The following SNTG1 variants were observed in gnomAD, a reference collection of about 807,000 sequenced individuals.
SNTG1 encodes gamma-1-syntrophin.
SNTG1 carries 39 observed loss-of-function variants against 74.7 expected under a neutral mutation model. The observed-to-expected ratio is 0.52, with a 90% CI of 0.40 to 0.68. The LOEUF is 0.68. Ranked by LOEUF, SNTG1 falls within the 30% of genes least tolerant of loss-of-function variation. SNTG1 has a pLI of 0.00. For synonymous variants in SNTG1, 254 were observed against 217.1 expected, an observed-to-expected ratio of 1.17 and a Z score of -1.49; for missense variants, 685 against 609.5, an observed-to-expected ratio of 1.12 and a Z score of -1.30.
At chr8:50,635,700 C>A (rs781105039) in intron 13 of SNTG1, among the ~76,000 whole-genome samples, 2 of 152,148 alleles carry the variant, frequency 1.3e-5, no homozygotes, top group African/African-American at 4.8e-5. Context: ...GAAGTGGGCT[C>A]CCCTCTGGCC....
chr8:50,482,318 G>C (rs1013725369), intron 8 of SNTG1, among the ~76,000 whole-genome samples: 1 of 152,148 alleles, frequency 6.6e-6, no homozygotes, highest in Non-Finnish European at 1.5e-5. Flanking sequence ...TGAGAATGAC[G>C]GGACTTCAAA....
intron 1 of SNTG1, among the ~76,000 whole-genome samples, chr8:49,960,898 G>A (rs758993363): frequency 7.9e-4 from 120 of 152,174 alleles, no homozygotes; most frequent in Non-Finnish European, 6.3e-4. Context: ...AATATCTTAC[G>A]TGGATTAAGG....
chr8:50,242,547 A>C (rs999789930), intron 2 of SNTG1, among the ~76,000 whole-genome samples: 2 of 5,762 alleles, frequency 3.5e-4, no homozygotes, highest in Non-Finnish European at 2.0e-3. Context: ...AAAAAAAAAC[A>C]CACCAGGAAA....
chr8:50,293,590 A>T (rs1163727180), intron 2 of SNTG1, among the ~76,000 whole-genome samples: 2 of 151,840 alleles, frequency 1.3e-5, no homozygotes, highest in Admixed American at 1.3e-4. Context: ...TTGTAATTTT[A>T]GTAGAGATGG....
At chr8:50,002,755 C>T (rs920483347) in intron 1 of SNTG1, among the ~76,000 whole-genome samples, 1 of 151,844 alleles carries the variant, frequency 6.6e-6, no homozygotes, top group African/African-American at 2.4e-5. Flanking sequence ...CAAATATATA[C>T]CCAAGAAAAA....
At chr8:50,164,599 G>A (rs2082547983) in intron 1 of SNTG1, among the ~76,000 whole-genome samples, 1 of 152,144 alleles carries the variant, frequency 6.6e-6, no homozygotes, top group Non-Finnish European at 1.5e-5. Context: ...CATATTACAT[G>A]TCATAATATA....
chr8:50,381,706 TATATATATAGG>T (rs2092486827), intron 2 of SNTG1, among the ~76,000 whole-genome samples: 1 of 139,798 alleles, frequency 7.2e-6, no homozygotes. Flanking sequence ...ATTAGTTATA[TATATATATAGG>T]ATATATATAT....
chr8:49,940,017 A>G (rs113330567), intron 1 of SNTG1, among the ~76,000 whole-genome samples: 2 of 152,356 alleles, frequency 1.3e-5, no homozygotes, highest in African/African-American at 4.8e-5. Context: ...TGAATTCGAC[A>G]TAGCATGAGA....
At chr8:49,974,527 C>A (rs949787667) in intron 1 of SNTG1, among the ~76,000 whole-genome samples, 4 of 152,084 alleles carry the variant, frequency 2.6e-5, no homozygotes, top group Non-Finnish European at 5.9e-5. Flanking sequence ...AAGATGAATG[C>A]AAAAGGGATT....
At chr8:50,646,337 C>A (rs1242610783) in intron 13 of SNTG1, among the ~76,000 whole-genome samples, 2 of 152,112 alleles carry the variant, frequency 1.3e-5, no homozygotes, top group Non-Finnish European at 2.9e-5. Flanking sequence ...CCTAAAGTTT[C>A]TTTTGAATTC....
intron 11 of SNTG1, among the ~76,000 whole-genome samples, chr8:50,539,723 G>A (rs1255880024): frequency 1.3e-5 from 2 of 152,152 alleles, no homozygotes; most frequent in African/African-American, 4.8e-5. Context: ...ACACTACCCT[G>A]GCAGGGAAAT....
At chr8:50,610,297 A>G (rs1019022572) in intron 13 of SNTG1, among the ~76,000 whole-genome samples, 1 of 152,126 alleles carries the variant, frequency 6.6e-6, no homozygotes, top group Non-Finnish European at 1.5e-5. Context: ...AAGACATCTT[A>G]CACCCATAGG....
chr8:50,403,263 A>G (rs1030898457), intron 4 of SNTG1, among the ~76,000 whole-genome samples: 6 of 152,220 alleles, frequency 3.9e-5, no homozygotes, highest in African/African-American at 1.4e-4. Context: ...ATAATGCTGA[A>G]CTTGAGCTCT....
At chr8:49,969,001 G>C (rs530193804) in intron 1 of SNTG1, among the ~76,000 whole-genome samples, 58 of 152,242 alleles carry the variant, frequency 3.8e-4, no homozygotes, top group South Asian at 1.5e-3. Context: ...TGGAGGAAGG[G>C]GACAGAGAGA....
At chr8:50,512,382 C>A (rs201671237) in intron 9 of SNTG1, among the ~76,000 whole-genome samples, 1 of 151,712 alleles carries the variant, frequency 6.6e-6, no homozygotes, top group Non-Finnish European at 1.5e-5. Flanking sequence ...GTGAATCTGA[C>A]AATTATGTGT....
chr8:50,483,412 A>G (rs1338685594), intron 8 of SNTG1, among the ~76,000 whole-genome samples: 1 of 151,918 alleles, frequency 6.6e-6, no homozygotes, highest in African/African-American at 2.4e-5. Context: ...TTAAGTGTTT[A>G]AAATTACTGG....
intron 8 of SNTG1, among the ~76,000 whole-genome samples, chr8:50,501,752 C>A (rs1020265377): frequency 8.6e-5 from 13 of 151,916 alleles, no homozygotes; most frequent in African/African-American, 3.1e-4. Flanking sequence ...GCCACCATGC[C>A]CAGCCATCTG....
At chr8:50,546,797 G>A (rs1386643535) in intron 11 of SNTG1, among the ~76,000 whole-genome samples, 1 of 151,954 alleles carries the variant, frequency 6.6e-6, no homozygotes, top group East Asian at 1.9e-4. Flanking sequence ...GGACATTTGG[G>A]TTGGTTCCAA....
At chr8:50,000,537 T>C (rs1457039158) in intron 1 of SNTG1, among the ~76,000 whole-genome samples, 1 of 152,198 alleles carries the variant, frequency 6.6e-6, no homozygotes, top group Non-Finnish European at 1.5e-5. Context: ...CTTACATTTT[T>C]GTGAAAAGAA....
Sources: gnomAD v4.1 joint callset for allele counts (sites outside exome capture counted in the v4.1 genomes callset) on GRCh38, gnomAD v4.1.1 for gene constraint, MANE v1.5 for transcripts, NCBI Gene and HGNC (gene_info 2026-07-23, HGNC 2026-07-21) for gene names.